Variants in PRTFDC1 observed in about 807,000 individuals in gnomAD.
The protein encoded by PRTFDC1 is phosphoribosyltransferase domain-containing protein 1.
In PRTFDC1, 38 loss-of-function variants were observed where a neutral mutation model predicts 34.6. The ratio of observed to expected loss-of-function variants is 1.10; its 90% CI spans 0.85 to 1.44. The LOEUF (loss-of-function observed/expected upper bound fraction) is 1.44. Among genes scored for constraint, PRTFDC1 ranks in the 40% most tolerant of loss-of-function variants. The pLI, the probability that PRTFDC1 is intolerant of heterozygous loss-of-function variation, is 0.00. For missense variants in PRTFDC1, 270 were observed against 283.0 expected (o/e 0.95, Z 0.33); for synonymous variants, 93 against 98.1 (o/e 0.95, Z 0.31).
At chr10:24,951,103 T>G (rs1017908540) in intron 1 of PRTFDC1, among the ~76,000 whole-genome samples, 1 of 152,178 alleles carries the variant, frequency 6.6e-6, no homozygotes, top group African/African-American at 2.4e-5. Context: ...ATGATTCTTT[T>G]GCATTTGGTA....
At chr10:24,911,208 G>T (rs373159323) in intron 3 of PRTFDC1, among the ~76,000 whole-genome samples, 1 of 152,092 alleles carries the variant, frequency 6.6e-6, no homozygotes, top group East Asian at 1.9e-4. Flanking sequence ...ACCCCCAAAA[G>T]CTCCCTTGAG....
chr10:24,856,252 C>T (rs756064716), intron 6 of PRTFDC1, among the ~76,000 whole-genome samples: 207 of 148,254 alleles, frequency 1.4e-3, no homozygotes, highest in African/African-American at 4.4e-3. Flanking sequence ...TTGGGCTGGG[C>T]GACAGAGCAA....
At chr10:24,867,356 T>A (rs916787244) in intron 4 of PRTFDC1, among the ~76,000 whole-genome samples, 1 of 152,196 alleles carries the variant, frequency 6.6e-6, no homozygotes, top group Non-Finnish European at 1.5e-5. Context: ...AGGCTCCGCC[T>A]ACCCCGCCTC....
At position 24,850,697 on chromosome 10, in the gene PRTFDC1, G is replaced by A. The variant is rs570092335; in HGVS notation, c.630+691C>T. Among the ~76,000 whole-genome samples, 110 of 152,234 alleles carry A rather than the reference G, an allele frequency of 7.2e-4. 1 individual carries two copies. In the Middle Eastern group the frequency reaches 0.017, roughly 24 times the overall value. ...TACTGGGGTAGCTCTCAGAATCCAA[G>A]GATGAGCTGGGCAATGAAGCAACTA... On this transcript the variant is annotated intron_variant, in intron 8 of 8. Transcript: ENST00000320152.
intron 4 of PRTFDC1, chr10:24,867,678 CT>C (rs1847802878): frequency 6.6e-6 from 1 of 151,210 alleles, no homozygotes; most frequent in Admixed American, 6.6e-5. Flanking sequence ...AAGTTTTATT[CT>C]TGTTGTAGGC....
intron 3 of PRTFDC1, among the ~76,000 whole-genome samples, chr10:24,935,341 A>C (rs886570452): frequency 2.0e-5 from 3 of 152,234 alleles, no homozygotes; most frequent in African/African-American, 7.2e-5. Flanking sequence ...TTTAACCCAG[A>C]AGGAAGATAA....
intron 3 of PRTFDC1, among the ~76,000 whole-genome samples, chr10:24,883,038 T>C (rs1243993703): frequency 6.7e-6 from 1 of 148,392 alleles, no homozygotes; most frequent in Non-Finnish European, 1.5e-5. Flanking sequence ...TATGTTTATA[T>C]ATAAACATAT....
chr10:24,849,751 A>G lies in PRTFDC1; in HGVS notation c.*93T>C. The G allele has an allele frequency of 8.4e-7, 1 of 1,188,540 alleles. No homozygotes were observed. The highest frequency in any genetic ancestry group is 1.2e-6 in the Non-Finnish European group (1 of 806,220). The allele number at this position is 1,188,540 out of a possible 1,614,324, so 73.6% of individuals were successfully genotyped here. A position where few individuals can be genotyped will look rare whatever the true frequency, so the allele number is the denominator to read the frequency against. On this transcript the variant is annotated 3_prime_UTR_variant, in exon 9 of 9. Transcript: ENST00000320152. Reference sequence around the variant, plus strand: ...TTTTCTTTTATATCCTGCTGAGTGAAGATGCCTGGGGGGACAAACTTGACA... The same window carrying G: ...TTTTCTTTTATATCCTGCTGAGTGAGGATGCCTGGGGGGACAAACTTGACA...
chr10:24,922,399 G>A (rs376350673), intron 3 of PRTFDC1, among the ~76,000 whole-genome samples: 2 of 152,188 alleles, frequency 1.3e-5, no homozygotes, highest in South Asian at 4.1e-4. Flanking sequence ...GCTTACACAA[G>A]TCTCACCTTG....
intron 3 of PRTFDC1, among the ~76,000 whole-genome samples, chr10:24,873,194 G>C (rs1198977945): frequency 6.6e-6 from 1 of 151,974 alleles, no homozygotes; most frequent in Non-Finnish European, 1.5e-5. Flanking sequence ...CTTTCATCAT[G>C]TTTATGTATG....
chr10:24,864,685 A>G (rs564129462), intron 4 of PRTFDC1, among the ~76,000 whole-genome samples: 2 of 152,368 alleles, frequency 1.3e-5, no homozygotes, highest in African/African-American at 4.8e-5. Context: ...ATATGCACTG[A>G]AAAATCAAAA....
chr10:24,947,839 A>C (rs546219522), intron 1 of PRTFDC1, among the ~76,000 whole-genome samples: 47 of 152,120 alleles, frequency 3.1e-4, no homozygotes, highest in African/African-American at 1.1e-3. Context: ...CCAGACAGGA[A>C]TTCTGGGATT....
chr10:24,921,307 A>G (rs1052441428), intron 3 of PRTFDC1, among the ~76,000 whole-genome samples: 1 of 152,088 alleles, frequency 6.6e-6, no homozygotes. Context: ...GTTGGGGCAG[A>G]CTTCTGAGCC....
At chr10:24,880,819 CTTTCTTTCTT>C (rs1848058159) in intron 3 of PRTFDC1, among the ~76,000 whole-genome samples, 2 of 89,512 alleles carry the variant, frequency 2.2e-5, no homozygotes, top group African/African-American at 1.1e-4. Context: ...CTTTCTCTTT[CTTTCTTTCTT>C]TCTTTCTTTC....
chr10:24,902,788 T>A (rs1393122801), intron 3 of PRTFDC1, among the ~76,000 whole-genome samples: 1 of 152,188 alleles, frequency 6.6e-6, no homozygotes, highest in Non-Finnish European at 1.5e-5. Flanking sequence ...CTGACATAAT[T>A]ATTGGTTTGG....
At position 24,862,558 on chromosome 10, in the gene PRTFDC1, A is replaced by T. The variant is rs1362439849; in HGVS notation, c.406-4149T>A. On this transcript the variant is annotated intron_variant, in intron 4 of 8. Coordinates refer to ENST00000320152, the MANE Select transcript of PRTFDC1 (RefSeq NM_020200.7). ...CATGCATAATTTTTGTATTTTTAGT[A>T]GAGATGGGGTTTCACCATGTTGGCC... is the stretch of plus-strand genomic sequence containing the variant. Among the ~76,000 whole-genome samples the T allele has an allele frequency of 2.0e-5, 3 of 152,050 alleles. No individual in the cohort carries two copies. The South Asian group carries it at 6.2e-4, about 31-fold the overall frequency.
chr10:24,921,118 A>C (rs760279812), intron 3 of PRTFDC1, among the ~76,000 whole-genome samples: 21 of 152,164 alleles, frequency 1.4e-4, no homozygotes, highest in Non-Finnish European at 2.5e-4. Flanking sequence ...AAAACAAAAA[A>C]CAAAGGTGTC....
chr10:24,921,442 G>C lies in PRTFDC1; in HGVS notation c.339+15742C>G, dbSNP rs144323609. Among the ~76,000 whole-genome samples, 254 of 152,274 alleles carry C rather than the reference G, an allele frequency of 1.7e-3. 8 individuals carry two copies. The highest frequency in any genetic ancestry group is 0.012 in the Admixed American group (179 of 15,296). Reference sequence around the variant, plus strand: ...AGGGACTCCTGAGAGCTGCAGAGAGGAAGGAGTCATTCCAGGCCTCGATGA... The same window carrying C: ...AGGGACTCCTGAGAGCTGCAGAGAGCAAGGAGTCATTCCAGGCCTCGATGA... On this transcript the variant is annotated intron_variant, in intron 3 of 8. Coordinates refer to ENST00000320152, the MANE Select transcript of PRTFDC1 (RefSeq NM_020200.7).
At chr10:24,858,305 G>T in intron 5 of PRTFDC1, 87 bp downstream of exon 5, 1 of 1,455,178 alleles carries the variant, frequency 6.9e-7, no homozygotes, top group South Asian at 1.2e-5. Context: ...AGAAATCCTT[G>T]GTCAATTTGA....
Sources: allele counts gnomAD v4.1 joint callset (sites outside exome capture counted in the v4.1 genomes callset), GRCh38; gene constraint gnomAD v4.1.1; transcripts MANE v1.5; gene names NCBI Gene and HGNC (gene_info 2026-07-23, HGNC 2026-07-21).